Variants in PDLIM2 observed in about 807,000 individuals in gnomAD.
The protein encoded by PDLIM2 is PDZ and LIM domain 2.
In PDLIM2, 51 loss-of-function variants were observed where a neutral mutation model predicts 54.1. The ratio of observed to expected loss-of-function variants is 0.94; its 90% CI spans 0.75 to 1.19. PDLIM2 has a LOEUF of 1.19. Ranked by LOEUF, PDLIM2 falls within the 50% of genes most tolerant of loss-of-function variation. PDLIM2 has a pLI of 0.00. For missense variants in PDLIM2, 912 were observed against 874.0 expected (o/e 1.04, Z -0.55); for synonymous variants, 398 against 385.6 (o/e 1.03, Z -0.38).
chr8:22,579,217 G>A (rs1230722512), exon 1 of PDLIM2: 1 of 1,383,644 alleles, frequency 7.2e-7, no homozygotes. Context: ...CAGGTGAGCG[G>A]CAGCCAGGTG....
intron 8 of PDLIM2, 124 bp downstream of exon 7, chr8:22,589,865 G>C (rs1454159414): frequency 2.2e-6 from 3 of 1,351,828 alleles, no homozygotes; most frequent in Non-Finnish European, 3.0e-6. Context: ...GACTAGGCAC[G>C]GAGCCGAGCA....
At chr8:22,580,036 C>T in intron 1 of PDLIM2, 1 of 169,468 alleles carries the variant, frequency 5.9e-6, no homozygotes, top group South Asian at 1.3e-4. Flanking sequence ...CATGTGAAGA[C>T]TCGGCCTCAC....
chr8:22,584,779 G>A (rs1489755170), intron 3 of PDLIM2, 42 bp from the exon 3 acceptor site: 5 of 1,597,784 alleles, frequency 3.1e-6, no homozygotes, highest in Admixed American at 1.7e-5. Flanking sequence ...GTTGCAGGGT[G>A]CAGGGCCCCT....
chr8:22,579,197 C>T, exon 1 of PDLIM2: 1 of 1,384,866 alleles, frequency 7.2e-7, no homozygotes, highest in Non-Finnish European at 9.3e-7. Context: ...GGCCTGGGCG[C>T]CCAGCCGGAC....
chr8:22,595,249 A>G (rs552990761), downstream of PDLIM2: 2 of 152,388 alleles, frequency 1.3e-5, no homozygotes, highest in African/African-American at 4.8e-5. Flanking sequence ...GATATAATTT[A>G]CACCATGATA....
exon 10 of PDLIM2, chr8:22,593,745 G>T: frequency 6.3e-7 from 1 of 1,590,994 alleles, no homozygotes; most frequent in Non-Finnish European, 8.5e-7. Context: ...ACCAGGCTGT[G>T]CGCATCCAGG....
intron 1 of PDLIM2, chr8:22,579,552 G>C (rs1034839112): frequency 2.1e-6 from 3 of 1,445,134 alleles, no homozygotes; most frequent in East Asian, 5.9e-5. Flanking sequence ...GGGCGGCCGC[G>C]AGCCGGCCTC....
At chr8:22,581,612 A>G (rs1179409934) in intron 3 of PDLIM2, 82 bp downstream of exon 2, 2 of 1,476,236 alleles carry the variant, frequency 1.4e-6, no homozygotes, top group South Asian at 1.3e-5. Flanking sequence ...GCTCCTGCCC[A>G]TGGGCTAGAG....
At chr8:22,589,006 C>T (rs1443105342) in intron 6 of PDLIM2, 3 of 552,916 alleles carry the variant, frequency 5.4e-6, no homozygotes, top group African/African-American at 2.0e-5. Context: ...TAGCTGTCAC[C>T]TGCTGCCTTC....
chr8:22,594,707 G>C, downstream of PDLIM2: 1 of 1,562,682 alleles, frequency 6.4e-7, no homozygotes, highest in Non-Finnish European at 8.6e-7. Flanking sequence ...CCGGGGCCAG[G>C]TTGATCTACC....
chr8:22,581,079 G>A (rs1800186715), intron 2 of PDLIM2: 3 of 674,554 alleles, frequency 4.4e-6, no homozygotes, highest in Non-Finnish European at 8.4e-6. Flanking sequence ...CACCTGCAAG[G>A]TGCGATTTGC....
At chr8:22,587,683 A>T (rs927091238) in intron 6 of PDLIM2, 1 of 152,206 alleles carries the variant, frequency 6.6e-6, no homozygotes, top group African/African-American at 2.4e-5. Flanking sequence ...GCCTGGGAGG[A>T]AAGGAAGGAG....
chr8:22,594,213 G>A, exon 10 of PDLIM2: 1 of 1,400,016 alleles, frequency 7.1e-7, no homozygotes. Flanking sequence ...GTGGGAAGGA[G>A]AGGGGTGGGC....
Position 22,579,173 on chromosome 8 carries a change from TTCCC to T in PDLIM2, c.403_406del (p.Ser135GlyfsTer118), listed in dbSNP as rs911582893. ...GCGGGAGCGGTGGCGTCTCCCCGCC[TTCCC>T]TCCCTCCCGGGCCTGGGCGCCCAGC... On this transcript the variant is annotated frameshift_variant, in exon 1 of 10. Transcript: ENST00000308354. LOFTEE classifies it high-confidence loss of function. 4.4e-6 allele frequency: 6 copies of T among 1,362,170 alleles called. No homozygotes were observed. The South Asian group carries it at 5.4e-5, about 12-fold the overall frequency. 84.4% of individuals were successfully genotyped at this position (1,362,170 alleles called of 1,614,324 possible).
intron 2 of PDLIM2, 176 bp downstream of exon 1, chr8:22,580,873 CT>C: frequency 2.6e-6 from 2 of 770,642 alleles, no homozygotes; most frequent in Non-Finnish European, 4.6e-6. Context: ...GTGGTGGCCA[CT>C]TCAGGAACAG....
At chr8:22,580,637 G>A (rs752973812) in exon 2 of PDLIM2, 44 of 1,614,028 alleles carry the variant, frequency 2.7e-5, no homozygotes, top group East Asian at 1.8e-4. Context: ...CCGGGCCAGC[G>A]CCCTGGGGCT....
intron 2 of PDLIM2, 157 bp downstream of exon 1, chr8:22,580,854 C>A: frequency 1.2e-6 from 1 of 851,358 alleles, no homozygotes; most frequent in Admixed American, 2.0e-5. Context: ...GGCCCTTTGC[C>A]ACGGGGATGT....
rs938369686 is a variant in PDLIM2, at chr8:22,582,915, C to CG, written c.995+1385_995+1386insG. Among the ~76,000 whole-genome samples the CG allele has an allele frequency of 1.8e-5, 2 of 110,754 alleles. 1 individual carries two copies. The highest frequency in any genetic ancestry group is 1.9e-4 in the Admixed American group (2 of 10,762). The allele number at this position is 110,754 out of a possible 152,430, so 72.7% of individuals were successfully genotyped here. A position where few individuals can be genotyped will look rare whatever the true frequency, so the allele number is the denominator to read the frequency against. On this transcript the variant is annotated intron_variant, in intron 3 of 9. Coordinates refer to ENST00000308354, the Ensembl canonical transcript of PDLIM2. ...TTTTGCTGACGTGATGCCCACCCCC[C>CG]CCCCCGCCCCCATCTCCCGCCTCCT...
intron 2 of PDLIM2, 134 bp downstream of exon 1, chr8:22,580,831 G>C: frequency 1.9e-6 from 2 of 1,026,476 alleles, no homozygotes; most frequent in Non-Finnish European, 3.0e-6. Context: ...CGTGCTGGCT[G>C]TAAGGGAGCC....
Sources: allele counts gnomAD v4.1 joint callset (sites outside exome capture counted in the v4.1 genomes callset), GRCh38; gene constraint gnomAD v4.1.1; transcripts MANE v1.5; gene names NCBI Gene and HGNC (gene_info 2026-07-23, HGNC 2026-07-21).